RIMBP2: variants seen among roughly 807,000 people sequenced by gnomAD.
The protein encoded by RIMBP2 is RIMS binding protein 2.
A neutral mutation model predicts 118.6 loss-of-function variants in RIMBP2; 48 were observed. That is an observed-to-expected ratio of 0.40 (90% CI 0.32 to 0.51). RIMBP2 has a LOEUF of 0.51. Among genes scored for constraint, RIMBP2 ranks in the 20% least tolerant of loss-of-function variants. RIMBP2 has a pLI of 0.41. For synonymous variants in RIMBP2, 762 were observed against 742.9 expected (o/e 1.03, Z -0.42); for missense variants, 1,551 against 1,768.3 (o/e 0.88, Z 2.20).
chr12:130,478,676 A>G (rs2081657332), intron 5 of RIMBP2, among the ~76,000 whole-genome samples: 2 of 152,222 alleles, frequency 1.3e-5, no homozygotes, highest in African/African-American at 4.8e-5. Context: ...CAACCTCACC[A>G]GCATCAGAGG....
intron 14 of RIMBP2, 49 bp from the exon 15 acceptor site, chr12:130,428,386 C>A (rs761463519): frequency 6.4e-7 from 1 of 1,557,758 alleles, no homozygotes; most frequent in Non-Finnish European, 8.7e-7. Context: ...CTCCCGCATC[C>A]TACAAGAGGC....
At chr12:130,636,807 G>A (rs1432599467) in intron 1 of RIMBP2, among the ~76,000 whole-genome samples, 2 of 152,172 alleles carry the variant, frequency 1.3e-5, no homozygotes, top group African/African-American at 4.8e-5. Flanking sequence ...CCTGGATCAA[G>A]CTGTAACTGA....
At chr12:130,698,482 G>A (rs145050945) in intron 1 of RIMBP2, among the ~76,000 whole-genome samples, 13 of 152,266 alleles carry the variant, frequency 8.5e-5, no homozygotes, top group African/African-American at 2.6e-4. Context: ...TAGACTGGAC[G>A]CAGTGGCTCA....
intron 1 of RIMBP2, among the ~76,000 whole-genome samples, chr12:130,645,061 C>A (rs1429677048): frequency 6.6e-6 from 1 of 152,046 alleles, no homozygotes; most frequent in South Asian, 2.1e-4. Context: ...AGTGTTTACA[C>A]CACAGAAATA....
At chr12:130,417,377 C>T (rs752207961) in intron 17 of RIMBP2, among the ~76,000 whole-genome samples, 1 of 152,182 alleles carries the variant, frequency 6.6e-6, no homozygotes, top group African/African-American at 2.4e-5. Context: ...AGATGTGGTG[C>T]GTATACCACA....
Position 130,694,022 on chromosome 12 carries a change from C to T in RIMBP2, c.-352+22200G>A, listed in dbSNP as rs114439196. On this transcript the variant is annotated intron_variant, in intron 1 of 22. Coordinates refer to ENST00000690449, the MANE Select transcript of RIMBP2 (RefSeq NM_001393629.1). ...CAGGAAGCTCTGGGATTCCTGCATC[C>T]GAACTTCCATGCCATAAGAATATAA... Among the ~76,000 whole-genome samples, 1,488 of 152,302 alleles carry T rather than the reference C, an allele frequency of 9.8e-3. 21 individuals are homozygous for T. Among genetic ancestry groups the T allele is most frequent in the African/African-American group, 0.034 (1,411 of 41,560 alleles).
chr12:130,497,474 C>T (rs867632099), intron 4 of RIMBP2, among the ~76,000 whole-genome samples: 5 of 152,178 alleles, frequency 3.3e-5, no homozygotes, highest in Non-Finnish European at 7.3e-5. Flanking sequence ...AAGCAGCTGT[C>T]GCTCTACCGC....
chr12:130,438,322 T>TAG, intron 12 of RIMBP2, 43 bp downstream of exon 12: 1 of 1,595,926 alleles, frequency 6.3e-7, no homozygotes, highest in South Asian at 1.1e-5. Context: ...CCTGCTGCGT[T>TAG]AGGGCCTAAC....
intron 1 of RIMBP2, among the ~76,000 whole-genome samples, chr12:130,676,491 T>C (rs1419028517): frequency 2.6e-5 from 4 of 151,436 alleles, no homozygotes; most frequent in East Asian, 3.9e-4. Flanking sequence ...GGTGTGGTGG[T>C]ATGTGCCTGT....
rs559769462 is a variant in RIMBP2, at chr12:130,648,923, T to A, written c.-351-20467A>T. 3.8e-4 allele frequency among the ~76,000 whole-genome samples: 56 copies of A among 146,174 alleles called. 7 individuals carry two copies. The highest frequency in any genetic ancestry group is 1.3e-3 in the African/African-American group (52 of 40,906). Reference sequence around the variant, plus strand: ...TGCCCGCCTCGGCCTCCCAAAGTGCTGGGATTCCAGGCGTGAGCCGCCGAG... The same window carrying A: ...TGCCCGCCTCGGCCTCCCAAAGTGCAGGGATTCCAGGCGTGAGCCGCCGAG... On this transcript the variant is annotated intron_variant, in intron 1 of 22. Transcript: ENST00000690449.
chr12:130,441,228 C>T (rs2078095433), intron 11 of RIMBP2, among the ~76,000 whole-genome samples: 1 of 151,888 alleles, frequency 6.6e-6, no homozygotes, highest in African/African-American at 2.4e-5. Flanking sequence ...TGGTGAAACC[C>T]TGTCTCTACT....
At chr12:130,474,257 G>A (rs906598771) in intron 5 of RIMBP2, among the ~76,000 whole-genome samples, 4 of 152,118 alleles carry the variant, frequency 2.6e-5, no homozygotes, top group East Asian at 1.9e-4. Context: ...CAGGTTACAC[G>A]AGGGCTGACT....
At chr12:130,701,862 C>T (rs2065871552) in intron 1 of RIMBP2, among the ~76,000 whole-genome samples, 1 of 152,172 alleles carries the variant, frequency 6.6e-6, no homozygotes, top group African/African-American at 2.4e-5. Context: ...CCATGGCCCA[C>T]CCCTTCCCAT....
rs774849369 is a variant in RIMBP2, at chr12:130,478,894, C to A, written c.102+18G>T. The A allele has an allele frequency of 1.9e-6, 3 of 1,598,554 alleles. No homozygotes were observed. The highest frequency in any genetic ancestry group is 2.6e-6 in the Non-Finnish European group (3 of 1,168,384). ...GACTCCCTGCCTCGCACGCCGCGCC[C>A]GGCTGCCCGCCGCTTACCTTCTGCA... is the stretch of plus-strand genomic sequence containing the variant. On this transcript the variant is annotated intron_variant, in intron 5 of 22. Transcript: ENST00000690449.
chr12:130,506,620 C>T, intron 4 of RIMBP2, 28 bp downstream of exon 4: 10 of 985,660 alleles, frequency 1.0e-5, no homozygotes, highest in Non-Finnish European at 1.2e-5. Flanking sequence ...AGAGCAGAAG[C>T]GGTCCCAAAT....
chr12:130,514,573 G>A (rs189287105), intron 3 of RIMBP2, among the ~76,000 whole-genome samples: 2 of 152,298 alleles, frequency 1.3e-5, no homozygotes, highest in African/African-American at 4.8e-5. Flanking sequence ...AGTGGAACGT[G>A]TACACATGCA....
intron 11 of RIMBP2, among the ~76,000 whole-genome samples, chr12:130,440,133 C>T (rs1445618425): frequency 8.6e-6 from 1 of 116,660 alleles, no homozygotes; most frequent in Non-Finnish European, 1.8e-5. Flanking sequence ...CGTACCTGCA[C>T]CACCGTCCCC....
At chr12:130,669,926 C>CT (rs2064123819) in intron 1 of RIMBP2, among the ~76,000 whole-genome samples, 1 of 152,140 alleles carries the variant, frequency 6.6e-6, no homozygotes, top group Non-Finnish European at 1.5e-5. Context: ...ACATTTAGGC[C>CT]TTTTTCCACA....
Position 130,456,689 on chromosome 12 carries a change from T to C in RIMBP2, c.165A>G (p.Arg55=). The change falls in exon 7 of 23, where the codon CGA becomes CGG. Residue 55 remains arginine, a synonymous_variant. Transcript: ENST00000690449. ...GAVRLLESKV[R]ELEEKCRTQS... Reference sequence around the variant, plus strand: ...GAGTCCGGCATTTCTCTTCCAGCTCTCGAACCTTGGACTGCACGGCAGAAG... The same window carrying C: ...GAGTCCGGCATTTCTCTTCCAGCTCCCGAACCTTGGACTGCACGGCAGAAG... 1 of 1,606,872 alleles carries C rather than the reference T, an allele frequency of 6.2e-7. No individual in the cohort carries two copies. Among genetic ancestry groups the C allele is most frequent in the Non-Finnish European group, 8.5e-7 (1 of 1,175,018 alleles).
Sources: allele counts gnomAD v4.1 joint callset (sites outside exome capture counted in the v4.1 genomes callset), GRCh38; gene constraint gnomAD v4.1.1; transcripts MANE v1.5; gene names NCBI Gene and HGNC (gene_info 2026-07-23, HGNC 2026-07-21).